The following PIK3C2G variants were observed in gnomAD, a reference collection of about 807,000 sequenced individuals.
PIK3C2G encodes the protein phosphatidylinositol 3-kinase C2 domain-containing subunit gamma.
PIK3C2G carries 168 observed loss-of-function variants against 181.1 expected under a neutral mutation model. The observed-to-expected ratio is 0.93, with a 90% CI of 0.82 to 1.05. PIK3C2G has a LOEUF of 1.05. Among genes scored for constraint, PIK3C2G ranks in the 50% least tolerant of loss-of-function variants. PIK3C2G has a pLI of 0.00. For missense variants in PIK3C2G, 1,869 were observed against 1,732.8 expected (o/e 1.08, Z -1.40); for synonymous variants, 573 against 592.2 (o/e 0.97, Z 0.47).
At chr12:18,620,743 A>G (rs1484970571) in intron 31 of PIK3C2G, among the ~76,000 whole-genome samples, 1 of 152,066 alleles carries the variant, frequency 6.6e-6, no homozygotes, top group East Asian at 1.9e-4. Context: ...CTGACATTCA[A>G]TCTATCTTCA....
chr12:18,650,168 G>T (rs1950355587), downstream of PIK3C2G, among the ~76,000 whole-genome samples: 1 of 151,720 alleles, frequency 6.6e-6, no homozygotes, highest in African/African-American at 2.4e-5. Context: ...AAGTACACAG[G>T]GATCAGGGAA....
At chr12:18,307,223 T>C (rs1465810015) in intron 5 of PIK3C2G, among the ~76,000 whole-genome samples, 2 of 148,576 alleles carry the variant, frequency 1.3e-5, no homozygotes, top group Non-Finnish European at 3.0e-5. Flanking sequence ...GTAATTATGG[T>C]GCTAGAATTC....
intron 31 of PIK3C2G, among the ~76,000 whole-genome samples, chr12:18,633,000 C>CT (rs1949416637): frequency 6.6e-6 from 1 of 152,296 alleles, no homozygotes; most frequent in Non-Finnish European, 1.5e-5. Flanking sequence ...TCCCTGTCAA[C>CT]TTGCCACTCA....
intron 15 of PIK3C2G, among the ~76,000 whole-genome samples, chr12:18,394,564 AT>A (rs2138076561): frequency 6.6e-6 from 1 of 152,178 alleles, no homozygotes; most frequent in East Asian, 1.9e-4. Flanking sequence ...ATATTTATTG[AT>A]TTTTTAAAAA....
At chr12:18,461,780 G>T (rs1331694010) in intron 18 of PIK3C2G, among the ~76,000 whole-genome samples, 2 of 152,326 alleles carry the variant, frequency 1.3e-5, no homozygotes, top group East Asian at 3.9e-4. Context: ...CTGGCACCTT[G>T]ACCTTGGACT....
At chr12:18,337,258 A>C (rs1392523563) in intron 8 of PIK3C2G, among the ~76,000 whole-genome samples, 1 of 152,176 alleles carries the variant, frequency 6.6e-6, no homozygotes, top group Non-Finnish European at 1.5e-5. Context: ...ATAAGGTCAA[A>C]ACAGAGAAGA....
At chr12:18,303,359 C>T (rs1433377791) in intron 5 of PIK3C2G, among the ~76,000 whole-genome samples, 1 of 150,268 alleles carries the variant, frequency 6.7e-6, no homozygotes, top group Non-Finnish European at 1.5e-5. Context: ...CTTTCTGACA[C>T]AGTCTCACTC....
the PIK3C2G span, among the ~76,000 whole-genome samples, chr12:18,673,118 G>A: frequency 9.2e-5 from 14 of 152,112 alleles, no homozygotes; most frequent in African/African-American, 3.1e-4. Flanking sequence ...AGTTCCAAAA[G>A]GTATGAAGAA....
chr12:18,507,786 G>T (rs1313312681), intron 24 of PIK3C2G, among the ~76,000 whole-genome samples: 1 of 151,976 alleles, frequency 6.6e-6, no homozygotes, highest in Admixed American at 6.6e-5. Context: ...AGATATTTCA[G>T]CTCTACAGAA....
At chr12:18,427,830 C>G (rs984802418) in intron 18 of PIK3C2G, among the ~76,000 whole-genome samples, 48 of 150,748 alleles carry the variant, frequency 3.2e-4, no homozygotes, top group African/African-American at 1.1e-3. Flanking sequence ...CAAGGAGAAA[C>G]TAAGAAGGAA....
chr12:18,308,537 T>C (rs975646588), intron 5 of PIK3C2G, among the ~76,000 whole-genome samples: 4 of 151,510 alleles, frequency 2.6e-5, no homozygotes, highest in South Asian at 2.1e-4. Flanking sequence ...GAGGCTCCTT[T>C]ATCTATCTCT....
At chr12:18,337,977 C>A (rs900494518) in intron 8 of PIK3C2G, among the ~76,000 whole-genome samples, 1 of 152,178 alleles carries the variant, frequency 6.6e-6, no homozygotes, top group Admixed American at 6.5e-5. Context: ...TGATTCCAAA[C>A]AATAGGTGTA....
intron 18 of PIK3C2G, among the ~76,000 whole-genome samples, chr12:18,452,690 G>C (rs1947429062): frequency 6.6e-6 from 1 of 152,006 alleles, no homozygotes; most frequent in South Asian, 2.1e-4. Flanking sequence ...CCCACTTTCT[G>C]ATGTGGGCAT....
intron 8 of PIK3C2G, among the ~76,000 whole-genome samples, chr12:18,329,617 C>T (rs1937707939): frequency 6.6e-6 from 1 of 151,928 alleles, no homozygotes; most frequent in African/African-American, 2.4e-5. Flanking sequence ...AGTTCATTTT[C>T]ATTGTTGTGT....
At chr12:18,357,702 T>C (rs908869149) in intron 11 of PIK3C2G, among the ~76,000 whole-genome samples, 3 of 152,252 alleles carry the variant, frequency 2.0e-5, no homozygotes, top group African/African-American at 7.2e-5. Flanking sequence ...TAAAGTACAG[T>C]AATGTTAACT....
chr12:18,361,593 T>G (rs1941241073), intron 11 of PIK3C2G, among the ~76,000 whole-genome samples: 1 of 152,092 alleles, frequency 6.6e-6, no homozygotes, highest in South Asian at 2.1e-4. Context: ...TCCAAACCTT[T>G]CATATGAGCA....
chr12:18,581,564 A>G (rs1480161390), intron 29 of PIK3C2G, among the ~76,000 whole-genome samples: 1 of 152,210 alleles, frequency 6.6e-6, no homozygotes, highest in Non-Finnish European at 1.5e-5. Context: ...GCCTTTATGG[A>G]CTGACAAGCT....
chr12:18,695,105 T>G, the PIK3C2G span: 3 of 1,597,366 alleles, frequency 1.9e-6, no homozygotes, highest in South Asian at 3.3e-5. Context: ...ATTTTGACAT[T>G]GTCAGGTAAT....
chr12:18,561,476 C>G (rs1945341779), intron 26 of PIK3C2G, among the ~76,000 whole-genome samples: 1 of 151,996 alleles, frequency 6.6e-6, no homozygotes, highest in South Asian at 2.1e-4. Context: ...AAGACCCTAT[C>G]TCTGAAAATA....
Sources: allele counts gnomAD v4.1 joint callset (sites outside exome capture counted in the v4.1 genomes callset), GRCh38; gene constraint gnomAD v4.1.1; transcripts MANE v1.5; gene names NCBI Gene and HGNC (gene_info 2026-07-23, HGNC 2026-07-21).